The following VPS41 variants were observed in gnomAD, a reference collection of about 807,000 sequenced individuals.
VPS41 encodes the protein VPS41 subunit of HOPS complex, also known as vacuolar protein sorting-associated protein 41 homolog.
Under a neutral mutation model 130.9 loss-of-function variants are expected in VPS41, and 85 were observed. The observed-to-expected ratio is 0.65, with a 90% CI of 0.55 to 0.78. The LOEUF (loss-of-function observed/expected upper bound fraction) is 0.78, where lower values mean the gene tolerates loss of function less well. VPS41 is among the 30% of genes least tolerant of loss of function. The pLI is 0.00. For missense variants in VPS41, 874 were observed against 1,018.7 expected, an observed-to-expected ratio of 0.86 and a Z score of 1.93; for synonymous variants, 335 against 332.9, an observed-to-expected ratio of 1.01 and a Z score of -0.07.
chr7:38,890,487 T>C (rs1786836734), intron 2 of VPS41, among the ~76,000 whole-genome samples: 1 of 152,128 alleles, frequency 6.6e-6, no homozygotes, highest in Admixed American at 6.5e-5. Context: ...AATCTTCACA[T>C]GATAAAACTG....
chr7:38,746,484 C>G (rs1036478405), intron 22 of VPS41, among the ~76,000 whole-genome samples: 3 of 152,004 alleles, frequency 2.0e-5, no homozygotes, highest in African/African-American at 7.3e-5. Flanking sequence ...AGTCCACCCC[C>G]GGGAGCTCAG....
At position 38,726,223 on chromosome 7, in the gene VPS41, G is replaced by T; in HGVS notation, c.*23C>A. 3.2e-6 allele frequency: 5 copies of T among 1,563,336 alleles called. No homozygotes were observed. Among genetic ancestry groups the T allele is most frequent in the Non-Finnish European group, 4.4e-6 (5 of 1,133,798 alleles). Reference sequence around the variant, plus strand: ...ACAGTCTCAAAAAGAGTGGTGACAAGGAGACTGACAAGGAGAAATGAGCTA... The same window carrying T: ...ACAGTCTCAAAAAGAGTGGTGACAATGAGACTGACAAGGAGAAATGAGCTA... On this transcript the variant is annotated 3_prime_UTR_variant, in exon 29 of 29. Transcript: ENST00000310301.
chr7:38,856,715 C>T (rs2116287367), intron 4 of VPS41, among the ~76,000 whole-genome samples: 1 of 152,150 alleles, frequency 6.6e-6, no homozygotes, highest in Non-Finnish European at 1.5e-5. Flanking sequence ...TGAGGGGCCA[C>T]ACTACAAGTG....
chr7:38,882,426 T>G (rs1786633372), intron 2 of VPS41, among the ~76,000 whole-genome samples: 2 of 152,204 alleles, frequency 1.3e-5, no homozygotes, highest in South Asian at 4.1e-4. Context: ...TCAGGCCTCT[T>G]TATCTGTCCT....
chr7:38,740,538 G>A (rs768415807), intron 25 of VPS41, among the ~76,000 whole-genome samples: 1 of 151,974 alleles, frequency 6.6e-6, no homozygotes, highest in Non-Finnish European at 1.5e-5. Context: ...CCTTTCTCCT[G>A]GGTCATCTGC....
At chr7:38,780,102 G>T (rs59020392) in intron 10 of VPS41, among the ~76,000 whole-genome samples, 4 of 149,572 alleles carry the variant, frequency 2.7e-5, no homozygotes, top group Non-Finnish European at 4.4e-5. Flanking sequence ...AAATCACAAA[G>T]AAAATAAACA....
In VPS41 at chr7:38,796,777, T is replaced by G; in HGVS notation, c.538A>C (p.Arg180=). 1.2e-6 allele frequency: 2 copies of G among 1,613,974 alleles called. No homozygotes were observed. Among genetic ancestry groups the G allele is most frequent in the Non-Finnish European group, 1.7e-6 (2 of 1,179,888 alleles). The change falls in exon 8 of 29, where the codon AGA becomes CGA. Residue 180 remains arginine, a synonymous_variant. Transcript: ENST00000310301. ...TTGGCCCAAGCAATCAGATGGCCTC[T>G]CCACTTCACACTCCTTATGTTCCCT... is the stretch of plus-strand genomic sequence containing the variant. The part of the protein sequence containing the change: ...GEGNIRSVKW[R]GHLIAWANNM...
intron 13 of VPS41, among the ~76,000 whole-genome samples, chr7:38,771,901 A>T (rs532679458): frequency 4.4e-4 from 67 of 152,164 alleles, no homozygotes; most frequent in African/African-American, 1.0e-3. Context: ...GAAAAAAAAA[A>T]TTTTTTTCCA....
At chr7:38,903,607 C>T (rs1392573582) in intron 1 of VPS41, among the ~76,000 whole-genome samples, 1 of 152,202 alleles carries the variant, frequency 6.6e-6, no homozygotes, top group Non-Finnish European at 1.5e-5. Context: ...GTACTGCCAC[C>T]TTCTCTGTCT....
chr7:38,856,572 A>G (rs1044170738), intron 4 of VPS41, among the ~76,000 whole-genome samples: 2 of 152,190 alleles, frequency 1.3e-5, no homozygotes, highest in Non-Finnish European at 2.9e-5. Flanking sequence ...TTATCAGCCA[A>G]TATATACTTA....
intron 7 of VPS41, among the ~76,000 whole-genome samples, chr7:38,804,598 A>G (rs917490850): frequency 3.3e-5 from 5 of 152,240 alleles, no homozygotes; most frequent in African/African-American, 1.2e-4. Flanking sequence ...CAAAGCTTCC[A>G]TGAAAACAAA....
At chr7:38,884,363 A>G (rs1786675279) in intron 2 of VPS41, among the ~76,000 whole-genome samples, 1 of 152,202 alleles carries the variant, frequency 6.6e-6, no homozygotes, top group Non-Finnish European at 1.5e-5. Context: ...TTGTCAGTCC[A>G]CTTGGTTTTA....
chr7:38,797,978 A>T (rs2115995473), intron 7 of VPS41, among the ~76,000 whole-genome samples: 1 of 152,254 alleles, frequency 6.6e-6, no homozygotes, highest in South Asian at 2.1e-4. Context: ...CCACAGGGAG[A>T]CTGGAGGCAG....
intron 3 of VPS41, among the ~76,000 whole-genome samples, chr7:38,864,471 G>A (rs1173253172): frequency 1.3e-5 from 2 of 152,128 alleles, no homozygotes; most frequent in Admixed American, 6.5e-5. Context: ...TTTATGACAA[G>A]CTATCTTGTG....
chr7:38,831,222 T>C (rs980396727), intron 4 of VPS41: 1 of 471,178 alleles, frequency 2.1e-6, no homozygotes, highest in Non-Finnish European at 4.4e-6. Flanking sequence ...CTACCTCTGA[T>C]TGTAATTTCT....
At chr7:38,820,532 T>C (rs1161591713) in intron 6 of VPS41, among the ~76,000 whole-genome samples, 1 of 152,228 alleles carries the variant, frequency 6.6e-6, no homozygotes, top group Non-Finnish European at 1.5e-5. Flanking sequence ...ATATTAATTT[T>C]CTTAAAGCTT....
chr7:38,759,267 G>C (rs1203199241), intron 17 of VPS41, among the ~76,000 whole-genome samples: 3 of 152,210 alleles, frequency 2.0e-5, no homozygotes, highest in African/African-American at 7.2e-5. Context: ...TGAATTAGAG[G>C]ACATCCAGCT....
At chr7:38,896,472 C>A (rs1003445793) in intron 2 of VPS41, among the ~76,000 whole-genome samples, 4 of 152,238 alleles carry the variant, frequency 2.6e-5, no homozygotes, top group Non-Finnish European at 5.9e-5. Flanking sequence ...CCGCAGGCCA[C>A]ATATGGCCTA....
chr7:38,841,173 A>G (rs1785600286), intron 4 of VPS41, among the ~76,000 whole-genome samples: 1 of 152,228 alleles, frequency 6.6e-6, no homozygotes, highest in Admixed American at 6.5e-5. Context: ...TGGGTTACAA[A>G]TACCATTTAA....
Sources: allele counts gnomAD v4.1 joint callset (sites outside exome capture counted in the v4.1 genomes callset), GRCh38; gene constraint gnomAD v4.1.1; transcripts MANE v1.5; gene names NCBI Gene and HGNC (gene_info 2026-07-23, HGNC 2026-07-21).